The following ABLIM2 variants were observed in gnomAD, a reference collection of about 807,000 sequenced individuals.
The protein encoded by ABLIM2 is actin binding LIM protein family member 2, also known as actin-binding LIM protein 2.
ABLIM2 carries 53 observed loss-of-function variants against 97.7 expected under a neutral mutation model. That is an observed-to-expected ratio of 0.54 (90% CI 0.44 to 0.68). ABLIM2 has a LOEUF of 0.68. Ranked by LOEUF, ABLIM2 falls within the 30% of genes least tolerant of loss-of-function variation. The pLI, the probability that ABLIM2 is intolerant of heterozygous loss-of-function variation, is 0.00. For missense variants in ABLIM2, 835 were observed against 867.2 expected (o/e 0.96, Z 0.47); for synonymous variants, 361 against 345.8 (o/e 1.04, Z -0.49).
chr4:8,091,826 A>G (rs1162181177), intron 3 of ABLIM2, among the ~76,000 whole-genome samples: 1,323 of 66,000 alleles, frequency 0.02, 18 homozygotes, highest in Non-Finnish European at 0.034. Flanking sequence ...ATAATATATT[A>G]TATAAATAAT....
chr4:8,104,992 C>A (rs1836554549), intron 2 of ABLIM2, among the ~76,000 whole-genome samples: 1 of 152,198 alleles, frequency 6.6e-6, no homozygotes, highest in African/African-American at 2.4e-5. Flanking sequence ...CCTCAAGGCG[C>A]CTCCACAGAA....
chr4:8,074,187 C>T (rs995655507), intron 6 of ABLIM2, among the ~76,000 whole-genome samples: 2 of 150,996 alleles, frequency 1.3e-5, no homozygotes, highest in Admixed American at 6.6e-5. Flanking sequence ...GGTGCGGTGG[C>T]TCACACCCCT....
chr4:8,158,562 T>A (rs1716191309), intron 1 of ABLIM2, 118 bp downstream of exon 1: 5 of 1,291,986 alleles, frequency 3.9e-6, no homozygotes, highest in Non-Finnish European at 5.2e-6. Context: ...AAAAGTTGGG[T>A]GGAGCCGCTG....
intron 3 of ABLIM2, among the ~76,000 whole-genome samples, chr4:8,092,197 C>T (rs572757757): frequency 6.6e-6 from 1 of 151,714 alleles, no homozygotes; most frequent in African/African-American, 2.4e-5. Flanking sequence ...GGGGTTTCAC[C>T]ATGTTAGCCG....
At chr4:8,040,102 T>C (rs1787352096) in intron 9 of ABLIM2, among the ~76,000 whole-genome samples, 1 of 152,080 alleles carries the variant, frequency 6.6e-6, no homozygotes, top group Non-Finnish European at 1.5e-5. Context: ...CCTGTGCACG[T>C]GAATGGCAGG....
At chr4:8,086,831 T>TA (rs111446653) in intron 4 of ABLIM2, among the ~76,000 whole-genome samples, 4,007 of 144,816 alleles carry the variant, frequency 0.028, 162 homozygotes, top group African/African-American at 0.09. Context: ...ACGTTTACAT[T>TA]AAAAAAAAAA....
In ABLIM2 at chr4:7,966,105, C is replaced by T. The variant is rs965362358; in HGVS notation, c.*885G>A. ...TTAGAGGGGTCTGTCTTTAAGGTTA[C>T]CTGTGTGACGAGAAAAAGAAAAAAG... On this transcript the variant is annotated 3_prime_UTR_variant, in exon 21 of 21. Coordinates refer to ENST00000447017, the MANE Select transcript of ABLIM2 (RefSeq NM_001130083.2). 1.3e-5 allele frequency: 2 copies of T among 152,082 alleles called. No individual in the cohort carries two copies. The highest frequency in any genetic ancestry group is 2.4e-5 in the African/African-American group (1 of 41,380). The allele number at this position is 152,082 out of a possible 1,614,324, so 9.4% of individuals were successfully genotyped here.
At chr4:7,968,134 G>A (rs960683112) in intron 20 of ABLIM2, among the ~76,000 whole-genome samples, 7 of 152,258 alleles carry the variant, frequency 4.6e-5, no homozygotes, top group Admixed American at 1.3e-4. Context: ...CCCTCGCCTC[G>A]CCTGGGCGGG....
At chr4:8,154,265 T>A (rs1267180634) in intron 1 of ABLIM2, among the ~76,000 whole-genome samples, 58 of 116,642 alleles carry the variant, frequency 5.0e-4, no homozygotes, top group Non-Finnish European at 4.4e-4. Context: ...CCCAGCCACT[T>A]ATTTTCTTTT....
intron 14 of ABLIM2, among the ~76,000 whole-genome samples, chr4:8,016,971 C>T (rs1001676046): frequency 1.3e-5 from 2 of 152,168 alleles, no homozygotes; most frequent in Non-Finnish European, 2.9e-5. Context: ...TTTTCTAATT[C>T]CTCAGTACTT....
rs1030048514 is a variant in ABLIM2, at chr4:8,021,344, G to C, written c.1268-1041C>G. ...CCCCCCACACCTGTTTGGGGAATGA[G>C]GTGACAGACAGATGCAGGGTATTGA... On this transcript the variant is annotated intron_variant, in intron 12 of 20. Coordinates refer to ENST00000447017, the MANE Select transcript of ABLIM2 (RefSeq NM_001130083.2). This position sits in a 1 kb window ranked among gnomAD's most constrained non-coding sequence, Gnocchi z 5.5. Among the ~76,000 whole-genome samples the C allele has an allele frequency of 1.3e-5, 2 of 152,178 alleles. No homozygotes were observed. The highest frequency in any genetic ancestry group is 4.8e-5 in the African/African-American group (2 of 41,418).
Position 7,977,169 on chromosome 4 carries a change from C to A in ABLIM2, c.1824+6095G>T, listed in dbSNP as rs566382347. On this transcript the variant is annotated intron_variant, in intron 20 of 20. Transcript: ENST00000447017. ...TGGTATTTTAAGTGTTTGACAGGTCCTCCTTCACACTCTCTTTCTCTCCTG... is the reference window on the plus strand; with the variant it reads ...TGGTATTTTAAGTGTTTGACAGGTCATCCTTCACACTCTCTTTCTCTCCTG... 3.9e-5 allele frequency among the ~76,000 whole-genome samples: 6 copies of A among 152,258 alleles called. No individual in the cohort carries two copies. In the East Asian group the frequency reaches 1.2e-3, roughly 29 times the overall value.
Position 8,005,545 on chromosome 4 carries a change from G to A in ABLIM2, c.1618+2514C>T. On this transcript the variant is annotated intron_variant, in intron 16 of 20. Coordinates refer to ENST00000447017, the MANE Select transcript of ABLIM2 (RefSeq NM_001130083.2). This position sits in a 1 kb window ranked among gnomAD's most constrained non-coding sequence, Gnocchi z 4.9. ...GGGGGCTACTTGGTGACAATCAAAA[G>A]AACCCCGAGAGAAAAAAAAGGGTGG... is the stretch of plus-strand genomic sequence containing the variant. The A allele has an allele frequency of 2.0e-6, 1 of 495,192 alleles. No individual in the cohort carries two copies. Among genetic ancestry groups the A allele is most frequent in the Non-Finnish European group, 4.1e-6 (1 of 242,492 alleles). The allele number at this position is 495,192 out of a possible 1,614,324, so 30.7% of individuals were successfully genotyped here. A position where few individuals can be genotyped will look rare whatever the true frequency, so the allele number is the denominator to read the frequency against.
At chr4:7,980,944 T>TTTA (rs1322446971) in intron 20 of ABLIM2, among the ~76,000 whole-genome samples, 1 of 121,928 alleles carries the variant, frequency 8.2e-6, no homozygotes, top group Non-Finnish European at 1.7e-5. Flanking sequence ...ACCCCTTATT[T>TTTA]TTTTTTTTTT....
Position 8,125,907 on chromosome 4 carries a change from C to G in ABLIM2, c.11-19270G>C, listed in dbSNP as rs150791354. Among the ~76,000 whole-genome samples the G allele has an allele frequency of 6.6e-6, 1 of 152,190 alleles. No individual in the cohort carries two copies. The highest frequency in any genetic ancestry group is 1.5e-5 in the Non-Finnish European group (1 of 68,036). ...TGTGCGTGGGCAGCCTTGGGGGACCCGCCGCTTTTGGGAACACACCTGCAT... is the reference window on the plus strand; with the variant it reads ...TGTGCGTGGGCAGCCTTGGGGGACCGGCCGCTTTTGGGAACACACCTGCAT... On this transcript the variant is annotated intron_variant, in intron 1 of 20. Transcript: ENST00000447017. The surrounding 1 kb of genome is among the most constrained non-coding windows in gnomAD (Gnocchi z 6.2).
At chr4:8,040,476 T>C (rs1421820205) in intron 9 of ABLIM2, among the ~76,000 whole-genome samples, 2 of 151,336 alleles carry the variant, frequency 1.3e-5, no homozygotes, top group Non-Finnish European at 2.9e-5. Flanking sequence ...CCAGGCATGG[T>C]GGTGGGCGCC....
intron 6 of ABLIM2, among the ~76,000 whole-genome samples, chr4:8,077,195 C>G (rs1259986943): frequency 6.6e-6 from 1 of 152,166 alleles, no homozygotes; most frequent in Non-Finnish European, 1.5e-5. Context: ...CAGACCAAGG[C>G]ACACAAAGCT....
chr4:7,997,688 G>A (rs956086022), intron 16 of ABLIM2, among the ~76,000 whole-genome samples: 2 of 152,004 alleles, frequency 1.3e-5, no homozygotes, highest in African/African-American at 4.8e-5. Flanking sequence ...CGGGTCTCCT[G>A]CTGCTGCTGG....
At position 8,087,583 on chromosome 4, in the gene ABLIM2, G is replaced by A. The variant is rs1451623333; in HGVS notation, c.454+586C>T. On this transcript the variant is annotated intron_variant, in intron 4 of 20. Transcript: ENST00000447017. The surrounding 1 kb of genome is among the most constrained non-coding windows in gnomAD (Gnocchi z 4.6). ...GGCCTGGAATTAACAGAGGGGAGCT[G>A]AGGGGAGTGAATGCCAGAGGGAGAG... 6.6e-6 allele frequency among the ~76,000 whole-genome samples: 1 copy of A among 152,218 alleles called. No individual in the cohort carries two copies. The highest frequency in any genetic ancestry group is 2.4e-5 in the African/African-American group (1 of 41,456).
Sources: gnomAD v4.1 joint callset for allele counts (sites outside exome capture counted in the v4.1 genomes callset) on GRCh38, gnomAD v4.1.1 for gene constraint, Gnocchi (gnomAD v3.1) non-coding constraint, MANE v1.5 for transcripts, NCBI Gene and HGNC (gene_info 2026-07-23, HGNC 2026-07-21) for gene names.